Variants in FBXL7 observed in about 807,000 individuals in gnomAD.
FBXL7 encodes F-box and leucine rich repeat protein 7.
A neutral mutation model predicts 38.3 loss-of-function variants in FBXL7; 12 were observed. The ratio of observed to expected loss-of-function variants is 0.31; its 90% CI spans 0.20 to 0.51. The LOEUF (loss-of-function observed/expected upper bound fraction) is 0.51, where lower values mean the gene tolerates loss of function less well. Among genes scored for constraint, FBXL7 ranks in the 20% least tolerant of loss-of-function variants. The pLI, the probability that FBXL7 is intolerant of heterozygous loss-of-function variation, is 0.98. For synonymous variants in FBXL7, 297 were observed against 300.9 expected (o/e 0.99, Z 0.13); for missense variants, 567 against 676.4 (o/e 0.84, Z 1.79).
chr5:15,604,640 C>A (rs1173616313), intron 1 of FBXL7, among the ~76,000 whole-genome samples: 1 of 152,208 alleles, frequency 6.6e-6, no homozygotes, highest in African/African-American at 2.4e-5. Flanking sequence ...CAGGCCTGAG[C>A]CACCACGCCC....
chr5:15,659,212 A>G (rs568668842), intron 2 of FBXL7, among the ~76,000 whole-genome samples: 1 of 152,218 alleles, frequency 6.6e-6, no homozygotes, highest in Middle Eastern at 3.2e-3. Flanking sequence ...TTATAATCCA[A>G]ATAACAAACA....
At chr5:15,551,069 A>C (rs496319) in intron 1 of FBXL7, among the ~76,000 whole-genome samples, 12,746 of 151,148 alleles carry the variant, frequency 0.084, 610 homozygotes, top group African/African-American at 0.12. Flanking sequence ...GAGGCAAAAA[A>C]CCTCCTATTA....
intron 2 of FBXL7, among the ~76,000 whole-genome samples, chr5:15,885,736 C>A (rs1180206364): frequency 6.6e-6 from 1 of 151,934 alleles, no homozygotes; most frequent in Non-Finnish European, 1.5e-5. Context: ...TTTTTTGAGA[C>A]AGGTCTCACT....
chr5:15,659,969 C>T (rs1442281583), intron 2 of FBXL7, among the ~76,000 whole-genome samples: 1 of 152,152 alleles, frequency 6.6e-6, no homozygotes, highest in Non-Finnish European at 1.5e-5. Context: ...GGCACTTTTA[C>T]TTTTGTAAAC....
intron 2 of FBXL7, among the ~76,000 whole-genome samples, chr5:15,629,114 CA>C (rs61037630): frequency 0.092 from 12,906 of 139,688 alleles, 596 homozygotes; most frequent in South Asian, 0.14. Flanking sequence ...CTCGTTTCTA[CA>C]AAAAAAAAAA....
intron 2 of FBXL7, among the ~76,000 whole-genome samples, chr5:15,822,124 AG>A (rs1213430863): frequency 6.6e-6 from 1 of 151,596 alleles, no homozygotes; most frequent in African/African-American, 2.4e-5. Context: ...AGGCTGAGTC[AG>A]GCGAATCACG....
intron 2 of FBXL7, among the ~76,000 whole-genome samples, chr5:15,789,320 C>T (rs1220523477): frequency 1.3e-5 from 2 of 152,206 alleles, no homozygotes; most frequent in East Asian, 3.9e-4. Flanking sequence ...GATATGCTCA[C>T]TGCAGTCTTT....
intron 2 of FBXL7, among the ~76,000 whole-genome samples, chr5:15,792,274 C>T (rs999076377): frequency 2.0e-5 from 3 of 152,058 alleles, no homozygotes; most frequent in Admixed American, 6.5e-5. Context: ...GAAGCAGAAA[C>T]GAGGGTATTT....
chr5:15,900,619 G>T (rs945938744), intron 2 of FBXL7, among the ~76,000 whole-genome samples: 12 of 152,068 alleles, frequency 7.9e-5, no homozygotes, highest in African/African-American at 2.9e-4. Context: ...CAAATCAAAG[G>T]TATAAACTTT....
intron 2 of FBXL7, among the ~76,000 whole-genome samples, chr5:15,646,657 A>C (rs1381793584): frequency 6.6e-6 from 1 of 152,090 alleles, no homozygotes; most frequent in Non-Finnish European, 1.5e-5. Context: ...GATTTAGCTT[A>C]TTTTGTTGTT....
intron 2 of FBXL7, among the ~76,000 whole-genome samples, chr5:15,693,077 G>T (rs1220907088): frequency 6.6e-6 from 1 of 152,152 alleles, no homozygotes; most frequent in Non-Finnish European, 1.5e-5. Context: ...GCCTTGCCTA[G>T]TGCCAAGCTT....
At chr5:15,596,882 C>G (rs62347909) in intron 1 of FBXL7, among the ~76,000 whole-genome samples, 15,108 of 152,220 alleles carry the variant, frequency 0.099, 864 homozygotes, top group Middle Eastern at 0.16. Context: ...CATACCTCGC[C>G]CTGTGCATCT....
At chr5:15,753,555 C>T (rs879380121) in intron 2 of FBXL7, among the ~76,000 whole-genome samples, 3 of 152,142 alleles carry the variant, frequency 2.0e-5, no homozygotes, top group Admixed American at 6.5e-5. Flanking sequence ...ACAGGAGATG[C>T]TCATGGCTAT....
At chr5:15,642,153 C>T (rs1741387698) in intron 2 of FBXL7, among the ~76,000 whole-genome samples, 1 of 152,136 alleles carries the variant, frequency 6.6e-6, no homozygotes, top group South Asian at 2.1e-4. Context: ...TCCAAGAAAT[C>T]TCAGGGACAT....
intron 2 of FBXL7, among the ~76,000 whole-genome samples, chr5:15,850,986 A>G (rs1469663354): frequency 6.6e-6 from 1 of 152,146 alleles, no homozygotes; most frequent in Non-Finnish European, 1.5e-5. Flanking sequence ...CCTCTCCTAG[A>G]GCCGCTTTGC....
In FBXL7 at chr5:15,769,328, T is replaced by C. The variant is rs550745194; in HGVS notation, c.127+153256T>C. Among the ~76,000 whole-genome samples the C allele has an allele frequency of 2.6e-5, 4 of 152,328 alleles. No homozygotes were observed. The East Asian group carries it at 5.8e-4, about 22-fold the overall frequency. On this transcript the variant is annotated intron_variant, in intron 2 of 3. Transcript: ENST00000504595. ...CATCTGGAACATTCAAAATTGACCC[T>C]CTATGGTATGATGAGTGTGTGTGTT...
At chr5:15,877,287 C>T (rs773097348) in intron 2 of FBXL7, among the ~76,000 whole-genome samples, 1 of 152,124 alleles carries the variant, frequency 6.6e-6, no homozygotes, top group African/African-American at 2.4e-5. Flanking sequence ...AATGAATGAG[C>T]CTATTTGAGA....
intron 2 of FBXL7, among the ~76,000 whole-genome samples, chr5:15,654,008 A>G (rs751942051): frequency 6.6e-6 from 1 of 152,210 alleles, no homozygotes; most frequent in African/African-American, 2.4e-5. Context: ...AGTAAACATC[A>G]TTTAGCAGCA....
rs1009500540 is a variant in FBXL7 at position 15,719,428 on chromosome 5, C to T, written c.127+103356C>T. Among the ~76,000 whole-genome samples the T allele has an allele frequency of 4.9e-4, 61 of 123,688 alleles. 1 individual carries two copies. Among genetic ancestry groups the T allele is most frequent in the African/African-American group, 1.4e-3 (50 of 36,382 alleles). 81.1% of individuals were successfully genotyped at this position (123,688 alleles called of 152,430 possible). A position where few individuals can be genotyped will look rare whatever the true frequency, so the allele number is the denominator to read the frequency against. ...ATATTATTTGATACAAACAAGATATCCTATAAGACAGTTATTGTCTTATTT... is the reference window on the plus strand; with the variant it reads ...ATATTATTTGATACAAACAAGATATTCTATAAGACAGTTATTGTCTTATTT... On this transcript the variant is annotated intron_variant, in intron 2 of 3. Coordinates refer to ENST00000504595, the MANE Select transcript of FBXL7 (RefSeq NM_012304.5).
Sources: allele counts gnomAD v4.1 joint callset (sites outside exome capture counted in the v4.1 genomes callset), GRCh38; gene constraint gnomAD v4.1.1; transcripts MANE v1.5; gene names NCBI Gene and HGNC (gene_info 2026-07-23, HGNC 2026-07-21).